The following EDIL3 variants were observed in gnomAD, a reference collection of about 807,000 sequenced individuals.
EDIL3 encodes the protein EGF like and discoidin domains 3.
A neutral mutation model predicts 67.4 loss-of-function variants in EDIL3; 37 were observed. The observed-to-expected ratio is 0.55, with a 90% confidence interval of 0.42 to 0.72. The LOEUF is 0.72. Among genes scored for constraint, EDIL3 ranks in the 30% least tolerant of loss-of-function variants. EDIL3 has a pLI of 0.00. For missense variants in EDIL3, 527 were observed against 586.3 expected (o/e 0.90, Z 1.04); for synonymous variants, 195 against 196.3 (o/e 0.99, Z 0.05).
intron 1 of EDIL3, among the ~76,000 whole-genome samples, chr5:84,371,319 G>GTATATATATATATA (rs71607709): frequency 0.055 from 6,329 of 114,862 alleles, 203 homozygotes; most frequent in Non-Finnish European, 0.075. Flanking sequence ...TAGATAAAAA[G>GTATATATATATATA]TATATATATA....
intron 2 of EDIL3, among the ~76,000 whole-genome samples, chr5:84,241,604 T>C (rs981644519): frequency 6.6e-6 from 1 of 151,734 alleles, no homozygotes; most frequent in Non-Finnish European, 1.5e-5. Context: ...TGTCAAATTA[T>C]ATGTTGAAGG....
intron 1 of EDIL3, among the ~76,000 whole-genome samples, chr5:84,282,440 C>A (rs1163361794): frequency 6.6e-6 from 1 of 152,172 alleles, no homozygotes; most frequent in Non-Finnish European, 1.5e-5. Context: ...ACCCAGAAAA[C>A]TTCAATTCAT....
intron 1 of EDIL3, among the ~76,000 whole-genome samples, chr5:84,262,206 A>G (rs1745236014): frequency 6.6e-6 from 1 of 152,158 alleles, no homozygotes; most frequent in Non-Finnish European, 1.5e-5. Flanking sequence ...GGCTTTTCAA[A>G]TATCTCATGC....
chr5:84,078,417 T>G (rs992824536), intron 6 of EDIL3, among the ~76,000 whole-genome samples: 4 of 152,126 alleles, frequency 2.6e-5, no homozygotes, highest in African/African-American at 9.7e-5. Flanking sequence ...ACAAGATAAT[T>G]AAATACACAC....
intron 4 of EDIL3, among the ~76,000 whole-genome samples, chr5:84,168,450 T>A (rs1748752136): frequency 6.6e-6 from 1 of 152,162 alleles, no homozygotes; most frequent in Non-Finnish European, 1.5e-5. Flanking sequence ...CCTATATATG[T>A]ATGAACATAT....
chr5:84,368,398 C>A (rs1371778139), intron 1 of EDIL3, among the ~76,000 whole-genome samples: 1 of 152,092 alleles, frequency 6.6e-6, no homozygotes, highest in Non-Finnish European at 1.5e-5. Flanking sequence ...GGTTCTTCAA[C>A]AAATGTTGCT....
At chr5:84,372,702 C>G (rs1747879621) in intron 1 of EDIL3, among the ~76,000 whole-genome samples, 1 of 152,100 alleles carries the variant, frequency 6.6e-6, no homozygotes, top group African/African-American at 2.4e-5. Flanking sequence ...GTTTTGAGTG[C>G]TGATTACTTA....
intron 4 of EDIL3, among the ~76,000 whole-genome samples, chr5:84,146,587 A>G (rs1377481565): frequency 6.6e-6 from 1 of 152,104 alleles, no homozygotes; most frequent in African/African-American, 2.4e-5. Context: ...CTTTTCCCCA[A>G]TCCCTTTATT....
At position 84,341,823 on chromosome 5, in the gene EDIL3, C is replaced by A. The variant is rs1747122944; in HGVS notation, c.67+42485G>T. Among the ~76,000 whole-genome samples the A allele has an allele frequency of 2.0e-5, 3 of 151,970 alleles. No homozygotes were observed. The South Asian group carries it at 6.2e-4, about 32-fold the overall frequency. Reference sequence around the variant, plus strand: ...AAACCCAACTATCTAAATATAATATCTCTTTTATATACCTGAATGTCCCTA... The same window carrying A: ...AAACCCAACTATCTAAATATAATATATCTTTTATATACCTGAATGTCCCTA... On this transcript the variant is annotated intron_variant, in intron 1 of 10. Transcript: ENST00000296591.
intron 5 of EDIL3, among the ~76,000 whole-genome samples, chr5:84,130,825 G>A (rs1747951688): frequency 6.6e-6 from 1 of 152,014 alleles, no homozygotes; most frequent in Admixed American, 6.6e-5. Context: ...TTGGGTATTT[G>A]TAGTTCATAT....
chr5:84,106,775 T>C lies in EDIL3; in HGVS notation c.525A>G (p.Thr175=). 1 of 1,613,192 alleles carries C rather than the reference T, an allele frequency of 6.2e-7. No individual in the cohort carries two copies. Among genetic ancestry groups the C allele is most frequent in the Admixed American group, 1.7e-5 (1 of 59,890 alleles). ...EGGIISNQQI[T]ASSTHRALFG... ...AAAGAGCTCGGTGAGTAGAGGAAGC[T>C]GTGATTTGCTGGTTTGATATAATTC... The change falls in exon 6 of 11, where the codon ACA becomes ACG. Residue 175 remains threonine, a synonymous_variant. Coordinates refer to ENST00000296591, the MANE Select transcript of EDIL3 (RefSeq NM_005711.5).
intron 9 of EDIL3, among the ~76,000 whole-genome samples, chr5:83,970,408 T>G (rs893655189): frequency 1.7e-4 from 26 of 148,662 alleles, no homozygotes; most frequent in African/African-American, 5.9e-4. Flanking sequence ...TCTAATTTGC[T>G]ATGTCACTTA....
At chr5:84,170,661 C>T (rs546057774) in intron 4 of EDIL3, among the ~76,000 whole-genome samples, 1 of 152,154 alleles carries the variant, frequency 6.6e-6, no homozygotes, top group African/African-American at 2.4e-5. Context: ...AAATCAGTAT[C>T]ACCTTTGGCT....
chr5:84,362,926 G>T (rs1158103344), intron 1 of EDIL3, among the ~76,000 whole-genome samples: 1 of 152,072 alleles, frequency 6.6e-6, no homozygotes, highest in Non-Finnish European at 1.5e-5. Flanking sequence ...AGAACAGACA[G>T]AAATTATTTT....
intron 4 of EDIL3, among the ~76,000 whole-genome samples, chr5:84,143,566 C>T (rs2112323129): frequency 6.6e-6 from 1 of 152,070 alleles, no homozygotes; most frequent in African/African-American, 2.4e-5. Flanking sequence ...CAATATTCAT[C>T]CCAATTATCT....
chr5:84,068,525 C>A (rs2112243357), intron 6 of EDIL3, among the ~76,000 whole-genome samples: 1 of 152,156 alleles, frequency 6.6e-6, no homozygotes, highest in Admixed American at 6.5e-5. Flanking sequence ...TTCTCTAAAT[C>A]ATTAAAAATC....
At position 84,279,956 on chromosome 5, in the gene EDIL3, T is replaced by C. The variant is rs149675496; in HGVS notation, c.68-25744A>G. On this transcript the variant is annotated intron_variant, in intron 1 of 10. Transcript: ENST00000296591. ...TATTTAATGTACCACTGCTCATGAA[T>C]TGATGCTGTCCAGTTTTCACAGAAG... Among the ~76,000 whole-genome samples, 4 of 152,342 alleles carry C rather than the reference T, an allele frequency of 2.6e-5. No individual in the cohort carries two copies. The East Asian group carries it at 7.7e-4, about 29-fold the overall frequency.
intron 9 of EDIL3, among the ~76,000 whole-genome samples, chr5:83,983,858 A>T (rs548633274): frequency 1.3e-5 from 2 of 151,966 alleles, no homozygotes; most frequent in African/African-American, 4.8e-5. Context: ...ACAGCCAGGT[A>T]AGAAATGGAT....
intron 1 of EDIL3, among the ~76,000 whole-genome samples, chr5:84,264,804 A>G (rs1002753809): frequency 2.0e-5 from 3 of 152,180 alleles, no homozygotes; most frequent in Admixed American, 2.0e-4. Flanking sequence ...TAGTCCATCA[A>G]TCTCTGTCAA....
Sources: gnomAD v4.1 joint callset for allele counts (sites outside exome capture counted in the v4.1 genomes callset) on GRCh38, gnomAD v4.1.1 for gene constraint, MANE v1.5 for transcripts, NCBI Gene and HGNC (gene_info 2026-07-23, HGNC 2026-07-21) for gene names.